GARIN2: variants seen among roughly 807,000 people sequenced by gnomAD.
GARIN2 encodes the protein golgi associated RAB2 interactor family member 2, also known as Golgi-associated RAB2 interactor protein 2.
the GARIN2 span, among the ~76,000 whole-genome samples, chr14:67,200,829 A>T: frequency 6.6e-6 from 1 of 152,168 alleles, no homozygotes; most frequent in African/African-American, 2.4e-5. Context: ...CACTCTAATA[A>T]AATTACATAG....
the GARIN2 span, among the ~76,000 whole-genome samples, chr14:67,201,245 G>C: frequency 1.3e-5 from 2 of 152,188 alleles, no homozygotes. Flanking sequence ...AGTGAGCTAG[G>C]ATGGCGCTAC....
the GARIN2 span, among the ~76,000 whole-genome samples, chr14:67,225,701 C>T: frequency 2.0e-5 from 3 of 152,142 alleles, no homozygotes; most frequent in Non-Finnish European, 4.4e-5. Flanking sequence ...ACACACCATA[C>T]ACACTGTAGT....
the GARIN2 span, chr14:67,199,141 C>T: frequency 3.3e-5 from 50 of 1,502,580 alleles, 1 homozygote; most frequent in Middle Eastern, 5.1e-4. Flanking sequence ...GTTAGTGAAC[C>T]GCTACTGTGG....
the GARIN2 span, chr14:67,200,560 AT>A: frequency 4.3e-6 from 1 of 234,712 alleles, no homozygotes; most frequent in Non-Finnish European, 8.0e-6. Flanking sequence ...TTAAAAAAAA[AT>A]GTAAGGAGAC....
chr14:67,221,780 A>G, the GARIN2 span: 1 of 1,613,358 alleles, frequency 6.2e-7, no homozygotes, highest in South Asian at 1.1e-5. Context: ...TTTTTACAGG[A>G]GCTTGAGAAC....
chr14:67,204,913 G>A, the GARIN2 span: 13 of 1,611,262 alleles, frequency 8.1e-6, no homozygotes, highest in Middle Eastern at 3.3e-4. Context: ...CATCACAGAT[G>A]TCACAGATCT....
chr14:67,194,886 G>C, the GARIN2 span, among the ~76,000 whole-genome samples: 240 of 152,270 alleles, frequency 1.6e-3, no homozygotes, highest in African/African-American at 5.5e-3. Context: ...TTGAACTCCT[G>C]ACCTAAGGTG....
At chr14:67,223,570 T>A in the GARIN2 span, 1 of 265,558 alleles carries the variant, frequency 3.8e-6, no homozygotes, top group South Asian at 1.4e-4. Context: ...TAAGCAAAGA[T>A]ACAGCAAATG....
At chr14:67,226,572 G>C in the GARIN2 span, among the ~76,000 whole-genome samples, 1 of 152,112 alleles carries the variant, frequency 6.6e-6, no homozygotes, top group Non-Finnish European at 1.5e-5. Context: ...TGTTGGCCAG[G>C]CTGGTCTCAA....
At chr14:67,191,772 C>T in the GARIN2 span, among the ~76,000 whole-genome samples, 3 of 152,206 alleles carry the variant, frequency 2.0e-5, no homozygotes, top group African/African-American at 7.2e-5. Flanking sequence ...ACATACAGCA[C>T]ATTGCTTGGT....
chr14:67,195,246 G>A, the GARIN2 span, among the ~76,000 whole-genome samples: 8 of 152,158 alleles, frequency 5.3e-5, no homozygotes, highest in African/African-American at 9.7e-5. Flanking sequence ...GTTCAAAAAG[G>A]AAGAGGGGCG....
At chr14:67,200,628 C>A in the GARIN2 span, 1 of 181,572 alleles carries the variant, frequency 5.5e-6, no homozygotes, top group East Asian at 1.8e-4. Flanking sequence ...TGTGAGCTAC[C>A]CACCTCCAGT....
the GARIN2 span, among the ~76,000 whole-genome samples, chr14:67,223,516 C>T: frequency 6.6e-6 from 1 of 152,174 alleles, no homozygotes; most frequent in Non-Finnish European, 1.5e-5. Context: ...TCATCTTCGA[C>T]AATCTAGCAG....
chr14:67,194,513 T>C, the GARIN2 span, among the ~76,000 whole-genome samples: 1 of 152,104 alleles, frequency 6.6e-6, no homozygotes. Flanking sequence ...CTAAACTATT[T>C]TTTTTCCCCC....
chr14:67,208,127 C>T, the GARIN2 span: 11 of 1,569,686 alleles, frequency 7.0e-6, no homozygotes, highest in East Asian at 2.2e-5. Context: ...TGCCTGTATT[C>T]GATACTGTTC....
chr14:67,208,847 A>G, the GARIN2 span, among the ~76,000 whole-genome samples: 2 of 151,620 alleles, frequency 1.3e-5, no homozygotes, highest in Non-Finnish European at 2.9e-5. Context: ...CAGTGAGCCA[A>G]GATCACGCTA....
the GARIN2 span, among the ~76,000 whole-genome samples, chr14:67,214,020 T>C: frequency 6.6e-6 from 1 of 152,220 alleles, no homozygotes; most frequent in Non-Finnish European, 1.5e-5. Flanking sequence ...TTGTTTGTTT[T>C]TTTCTTGTAA....
the GARIN2 span, chr14:67,221,809 T>C: frequency 6.2e-7 from 1 of 1,613,134 alleles, no homozygotes; most frequent in Non-Finnish European, 8.5e-7. Context: ...ACACTTCAGG[T>C]ATGGAACAAA....
the GARIN2 span, among the ~76,000 whole-genome samples, chr14:67,216,876 G>A: frequency 6.8e-3 from 1,037 of 152,228 alleles, 17 homozygotes; most frequent in African/African-American, 0.024. Context: ...TGAAAAGAAT[G>A]TGTACTGTGC....
Sources: gnomAD v4.1 joint callset for allele counts (sites outside exome capture counted in the v4.1 genomes callset) on GRCh38, gnomAD v4.1.1 for gene constraint, MANE v1.5 for transcripts, NCBI Gene and HGNC (gene_info 2026-07-23, HGNC 2026-07-21) for gene names.